The following SRPK2 variants were observed in gnomAD, a reference collection of about 807,000 sequenced individuals.
SRPK2 encodes SRSF protein kinase 2.
Under a neutral mutation model 90.8 loss-of-function variants are expected in SRPK2, and 21 were observed. The ratio of observed to expected loss-of-function variants is 0.23; its 90% CI spans 0.16 to 0.33. The LOEUF is 0.33. Among genes scored for constraint, SRPK2 ranks in the 10% least tolerant of loss-of-function variants. SRPK2 has a pLI of 1.00. For synonymous variants in SRPK2, 288 were observed against 311.1 expected (o/e 0.93, Z 0.78); for missense variants, 620 against 869.0 (o/e 0.71, Z 3.60).
chr7:105,148,430 G>A (rs945001149), intron 7 of SRPK2, among the ~76,000 whole-genome samples: 1 of 152,098 alleles, frequency 6.6e-6, no homozygotes, highest in African/African-American at 2.4e-5. Flanking sequence ...CAAGGTCAGT[G>A]TTTTTCTATA....
intron 2 of SRPK2, among the ~76,000 whole-genome samples, chr7:105,338,808 C>T (rs1481133359): frequency 6.6e-6 from 1 of 152,032 alleles, no homozygotes; most frequent in African/African-American, 2.4e-5. Flanking sequence ...TTTATTTTGA[C>T]CCTTTTTGGT....
chr7:105,160,611 C>CATCT lies in SRPK2; in HGVS notation c.515-2_516dup (p.Val173ArgfsTer47). 6.2e-7 allele frequency: 1 copy of CATCT among 1,601,154 alleles called. No homozygotes were observed. The highest frequency in any genetic ancestry group is 8.6e-7 in the Non-Finnish European group (1 of 1,168,392). ...CCAAGTACTTCGAAGACCATGCAGA[C>CATCT]ATCTGGGACACAGTTAAGGATCGTT... On this transcript the variant is annotated frameshift_variant and splice_region_variant, in exon 7 of 16. Coordinates refer to ENST00000393651, the MANE Select transcript of SRPK2 (RefSeq NM_182692.3). LOFTEE classifies it high-confidence loss of function.
intron 2 of SRPK2, among the ~76,000 whole-genome samples, chr7:105,228,525 A>G (rs1019306827): frequency 1.3e-5 from 2 of 152,360 alleles, no homozygotes; most frequent in East Asian, 3.9e-4. Flanking sequence ...AACACCTTTA[A>G]AAAAAGTTTT....
At chr7:105,344,769 T>C (rs182413741) in intron 2 of SRPK2, among the ~76,000 whole-genome samples, 408 of 151,652 alleles carry the variant, frequency 2.7e-3, no homozygotes, top group African/African-American at 9.4e-3. Context: ...CAAGTCTTTC[T>C]GGCCTCTGGG....
chr7:105,395,831 C>G (rs1822306494), intron 1 of SRPK2, among the ~76,000 whole-genome samples: 1 of 152,076 alleles, frequency 6.6e-6, no homozygotes. Context: ...TTATGAATTG[C>G]TTTGAATTTA....
chr7:105,203,535 T>C (rs1585161363), intron 3 of SRPK2, 93 bp downstream of exon 3: 10 of 1,344,258 alleles, frequency 7.4e-6, no homozygotes, highest in Non-Finnish European at 7.8e-6. Context: ...GCAATTTGCA[T>C]CACTACCTCC....
intron 2 of SRPK2, among the ~76,000 whole-genome samples, chr7:105,328,561 C>CAAAAAAA: frequency 2.1e-5 from 1 of 47,196 alleles, no homozygotes; most frequent in Non-Finnish European, 3.6e-5. Flanking sequence ...GGCTCTGTCT[C>CAAAAAAA]AAAAAAAAAA....
chr7:105,268,909 C>G, intron 2 of SRPK2: 1 of 1,562,452 alleles, frequency 6.4e-7, no homozygotes, highest in Non-Finnish European at 8.7e-7. Context: ...AGATTGCCTG[C>G]CCTTGCTTTC....
At chr7:105,349,763 G>A (rs1816930877) in intron 2 of SRPK2, among the ~76,000 whole-genome samples, 1 of 151,428 alleles carries the variant, frequency 6.6e-6, no homozygotes, top group South Asian at 2.1e-4. Context: ...TTTTTGAGCT[G>A]GAGTCTCGCT....
At chr7:105,139,411 A>C (rs952586565) in intron 11 of SRPK2, among the ~76,000 whole-genome samples, 5 of 152,208 alleles carry the variant, frequency 3.3e-5, no homozygotes, top group Non-Finnish European at 7.3e-5. Context: ...CATGAGAGAA[A>C]AAAAGAAGAC....
At chr7:105,340,401 T>C (rs1032330929) in intron 2 of SRPK2, among the ~76,000 whole-genome samples, 6 of 134,582 alleles carry the variant, frequency 4.5e-5, no homozygotes, top group Non-Finnish European at 8.3e-5. Context: ...TTTCTCTCCT[T>C]TTTTTTTTTT....
chr7:105,344,407 C>CT (rs1178845367), intron 2 of SRPK2, among the ~76,000 whole-genome samples: 671 of 58,512 alleles, frequency 0.011, 31 homozygotes, highest in South Asian at 0.015. Context: ...GCAGCCACAC[C>CT]TTTTTTTTTT....
At chr7:105,137,167 C>G (rs948228943) in intron 11 of SRPK2, among the ~76,000 whole-genome samples, 1 of 152,144 alleles carries the variant, frequency 6.6e-6, no homozygotes, top group Admixed American at 6.5e-5. Flanking sequence ...AATCCTAAGG[C>G]AGAAACAGGC....
At chr7:105,209,562 G>GAAAAGGA (rs761415750) in intron 2 of SRPK2, among the ~76,000 whole-genome samples, 89 of 142,078 alleles carry the variant, frequency 6.3e-4, no homozygotes, top group Admixed American at 1.2e-3. Context: ...GAAGAAAATA[G>GAAAAGGA]AAAAGGAAAA....
intron 2 of SRPK2, among the ~76,000 whole-genome samples, chr7:105,377,768 C>T (rs981159896): frequency 6.6e-6 from 1 of 152,142 alleles, no homozygotes; most frequent in Non-Finnish European, 1.5e-5. Flanking sequence ...ACACATTCTG[C>T]ATTCCCTATT....
chr7:105,337,801 T>A (rs1036789489), intron 2 of SRPK2, among the ~76,000 whole-genome samples: 19 of 152,156 alleles, frequency 1.2e-4, no homozygotes, highest in African/African-American at 4.6e-4. Context: ...GTCTGTTGTT[T>A]TAAGCCACCC....
chr7:105,132,482 C>T (rs185177839), intron 13 of SRPK2, among the ~76,000 whole-genome samples: 1 of 152,332 alleles, frequency 6.6e-6, no homozygotes, highest in Non-Finnish European at 1.5e-5. Context: ...TCAGGGACCA[C>T]AAGTGAAGTC....
intron 15 of SRPK2, among the ~76,000 whole-genome samples, chr7:105,118,840 G>A (rs1799927135): frequency 6.6e-6 from 1 of 152,110 alleles, no homozygotes; most frequent in Non-Finnish European, 1.5e-5. Context: ...GAGTCCAGGA[G>A]GTCAAGGCTG....
In SRPK2 at chr7:105,369,385, T is replaced by G. The variant is rs1191311982; in HGVS notation, c.71+19263A>C. 3.3e-5 allele frequency among the ~76,000 whole-genome samples: 5 copies of G among 152,108 alleles called. No homozygotes were observed. The East Asian group carries it at 5.8e-4, about 18-fold the overall frequency. On this transcript the variant is annotated intron_variant, in intron 2 of 15. Transcript: ENST00000393651. ...CTGGTATCGAACTCCTGACCTCAAGTGATTCACCCACCTTGGCCTCTCAAA... is the reference window on the plus strand; with the variant it reads ...CTGGTATCGAACTCCTGACCTCAAGGGATTCACCCACCTTGGCCTCTCAAA...
Sources: allele counts gnomAD v4.1 joint callset (sites outside exome capture counted in the v4.1 genomes callset), GRCh38; gene constraint gnomAD v4.1.1; transcripts MANE v1.5; gene names NCBI Gene and HGNC (gene_info 2026-07-23, HGNC 2026-07-21).